DCAF8L2: variants seen among roughly 807,000 people sequenced by gnomAD.
DCAF8L2 encodes DDB1 and CUL4 associated factor 8 like 2, also known as DDB1- and CUL4-associated factor 8-like protein 2.
For missense variants in DCAF8L2, 430 were observed against 490.7 expected, an observed-to-expected ratio of 0.88 and a Z score of 1.17; for synonymous variants, 200 against 190.9, an observed-to-expected ratio of 1.05 and a Z score of -0.39.
the DCAF8L2 span, among the ~76,000 whole-genome samples, chrX:27,547,867 CTCTT>C: frequency 2.6e-3 from 160 of 62,630 alleles, 1 homozygote; most frequent in African/African-American, 9.1e-3. Flanking sequence ...CTCTCTCTCT[CTCTT>C]TCTCTCTCTC....
the DCAF8L2 span, among the ~76,000 whole-genome samples, chrX:27,568,651 C>T: frequency 9.4e-6 from 1 of 106,799 alleles, no homozygotes; most frequent in Admixed American, 1.0e-4. Context: ...GTTGGCACTC[C>T]ATTTCTGTTT....
chrX:27,614,481 T>A (rs1369569260), intron 1 of DCAF8L2, among the ~76,000 whole-genome samples: 1 of 111,731 alleles, frequency 9.0e-6, no homozygotes, highest in Non-Finnish European at 1.9e-5. Flanking sequence ...TAGTTATTTC[T>A]AGCCTTTTGC....
the DCAF8L2 span, among the ~76,000 whole-genome samples, chrX:27,521,537 G>A: frequency 1.8e-5 from 2 of 112,228 alleles, no homozygotes; most frequent in African/African-American, 6.5e-5. Flanking sequence ...GAAAACTATG[G>A]AGAACGCTGT....
chrX:27,625,007 A>C (rs1452092820), intron 1 of DCAF8L2, among the ~76,000 whole-genome samples: 2 of 112,414 alleles, frequency 1.8e-5, no homozygotes, highest in Non-Finnish European at 3.8e-5. Flanking sequence ...ATGGAATCTA[A>C]TTAAACTAAA....
the DCAF8L2 span, among the ~76,000 whole-genome samples, chrX:27,480,206 A>G: frequency 8.9e-6 from 1 of 112,597 alleles, no homozygotes. Context: ...GTACAACACT[A>G]AAAAGACATT....
At chrX:27,579,615 TACACACACACACACACACACACACACAC>T in the DCAF8L2 span, among the ~76,000 whole-genome samples, 2 of 87,939 alleles carry the variant, frequency 2.3e-5, no homozygotes, top group South Asian at 5.8e-4. Flanking sequence ...TTCAGAGAAA[TACACACACACACACACACACACACACAC>T]ACACACACAC....
chrX:27,522,993 T>C, the DCAF8L2 span, among the ~76,000 whole-genome samples: 2 of 111,851 alleles, frequency 1.8e-5, no homozygotes, highest in Non-Finnish European at 3.8e-5. Context: ...TCACTGAATA[T>C]ACTAAAGACA....
At chrX:27,681,943 C>T (rs998478401) in intron 3 of DCAF8L2, among the ~76,000 whole-genome samples, 1 of 111,189 alleles carries the variant, frequency 9.0e-6, no homozygotes, top group Non-Finnish European at 1.9e-5. Context: ...AAAACGGAGT[C>T]GCGTTTCTTG....
intron 3 of DCAF8L2, among the ~76,000 whole-genome samples, chrX:27,704,467 G>C (rs930351747): frequency 2.7e-5 from 3 of 109,401 alleles, no homozygotes; most frequent in Admixed American, 2.0e-4. Context: ...TTTGTTGAAC[G>C]GTCAAATAAA....
At chrX:27,558,094 A>G in the DCAF8L2 span, among the ~76,000 whole-genome samples, 1 of 111,324 alleles carries the variant, frequency 9.0e-6, no homozygotes, top group Non-Finnish European at 1.9e-5. Context: ...TCACTCTGAC[A>G]CCCTTGAGTG....
the DCAF8L2 span, among the ~76,000 whole-genome samples, chrX:27,484,049 C>T: frequency 3.6e-5 from 4 of 111,489 alleles, no homozygotes; most frequent in East Asian, 1.1e-3. Flanking sequence ...TAGGTGCATT[C>T]TTTTAAAAAT....
At chrX:27,613,584 G>A (rs1927298099) in intron 1 of DCAF8L2, among the ~76,000 whole-genome samples, 1 of 111,045 alleles carries the variant, frequency 9.0e-6, no homozygotes, top group Non-Finnish European at 1.9e-5. Flanking sequence ...TATTGGCTGT[G>A]GGTTTGTCAT....
At chrX:27,499,836 T>TGG in the DCAF8L2 span, among the ~76,000 whole-genome samples, 702 of 103,119 alleles carry the variant, frequency 6.8e-3, 5 homozygotes, top group South Asian at 0.021. Flanking sequence ...GATTTGGTGG[T>TGG]GGGGGGGGGT....
At chrX:27,581,474 T>C in the DCAF8L2 span, among the ~76,000 whole-genome samples, 1 of 112,096 alleles carries the variant, frequency 8.9e-6, no homozygotes, top group African/African-American at 3.2e-5. Context: ...TGATTCTGGG[T>C]ATTTTCATTT....
the DCAF8L2 span, among the ~76,000 whole-genome samples, chrX:27,536,374 A>G: frequency 1.8e-5 from 2 of 112,805 alleles, no homozygotes; most frequent in Non-Finnish European, 3.7e-5. Flanking sequence ...CTAAGAGTTA[A>G]AATATAGCTT....
chrX:27,723,570 A>G lies in DCAF8L2; in HGVS notation c.-59+7399A>G, dbSNP rs367740179. 8.1e-5 allele frequency among the ~76,000 whole-genome samples: 9 copies of G among 111,768 alleles called. No individual in the cohort carries two copies. In the East Asian group the frequency reaches 1.7e-3, roughly 21 times the overall value. ...TCATATTCCAAATTTTTAACAAAGC[A>G]TGGCTGTTGAGACTATGGGAAAACA... On this transcript the variant is annotated intron_variant, in intron 4 of 4. Transcript: ENST00000451261.
the DCAF8L2 span, among the ~76,000 whole-genome samples, chrX:27,495,699 AT>A: frequency 2.7e-5 from 3 of 111,394 alleles, no homozygotes; most frequent in South Asian, 3.7e-4. Flanking sequence ...AATTGTTTTC[AT>A]TTTTTTGTAT....
the DCAF8L2 span, among the ~76,000 whole-genome samples, chrX:27,548,023 A>G: frequency 9.1e-6 from 1 of 109,410 alleles, no homozygotes; most frequent in Admixed American, 9.9e-5. Flanking sequence ...CTGTGATTAA[A>G]TTAAACCACT....
the DCAF8L2 span, among the ~76,000 whole-genome samples, chrX:27,552,356 A>T: frequency 3.6e-5 from 4 of 111,157 alleles, no homozygotes; most frequent in African/African-American, 6.5e-5. Flanking sequence ...GTAGTCTTAT[A>T]AAAAAAATCC....
Sources: allele counts gnomAD v4.1 joint callset (sites outside exome capture counted in the v4.1 genomes callset), GRCh38; gene constraint gnomAD v4.1.1; transcripts MANE v1.5; gene names NCBI Gene and HGNC (gene_info 2026-07-23, HGNC 2026-07-21).